Variants in L3MBTL3 observed in about 807,000 individuals in gnomAD.
L3MBTL3 encodes L3MBTL histone methyl-lysine binding protein 3.
L3MBTL3 carries 27 observed loss-of-function variants against 102.3 expected under a neutral mutation model. The ratio of observed to expected loss-of-function variants is 0.26; its 90% CI spans 0.19 to 0.36. The LOEUF (loss-of-function observed/expected upper bound fraction) is 0.36. L3MBTL3 is among the 10% of genes least tolerant of loss of function. The pLI, the probability that L3MBTL3 is intolerant of heterozygous loss-of-function variation, is 1.00. For missense variants in L3MBTL3, 798 were observed against 955.3 expected (o/e 0.84, Z 2.17); for synonymous variants, 340 against 320.9 (o/e 1.06, Z -0.64).
At chr6:130,029,035 T>C (rs1369419973) in intron 2 of L3MBTL3, among the ~76,000 whole-genome samples, 1 of 152,234 alleles carries the variant, frequency 6.6e-6, no homozygotes, top group African/African-American at 2.4e-5. Flanking sequence ...CTTTTATTGA[T>C]TCATTTGGTA....
At chr6:130,106,185 TTA>T (rs1195030196) in intron 19 of L3MBTL3, among the ~76,000 whole-genome samples, 4 of 152,234 alleles carry the variant, frequency 2.6e-5, no homozygotes, top group Admixed American at 6.5e-5. Flanking sequence ...TAAAACCTAA[TTA>T]TTGATTACCT....
chr6:130,083,596 A>G, intron 14 of L3MBTL3, 24 bp from the exon 15 acceptor site: 1 of 1,159,832 alleles, frequency 8.6e-7, no homozygotes, highest in African/African-American at 1.6e-5. Context: ...TAAACCTCAT[A>G]GGATTTACAT....
chr6:130,114,211 C>T (rs768462167), intron 19 of L3MBTL3, among the ~76,000 whole-genome samples: 1 of 152,148 alleles, frequency 6.6e-6, no homozygotes, highest in African/African-American at 2.4e-5. Context: ...TTAAAACACT[C>T]ACAGTTCTGA....
At chr6:130,093,226 A>T (rs937234692) in intron 17 of L3MBTL3, among the ~76,000 whole-genome samples, 2 of 152,240 alleles carry the variant, frequency 1.3e-5, no homozygotes, top group African/African-American at 4.8e-5. Flanking sequence ...ATTGGGAGAA[A>T]CTGGGCAAAG....
rs1187664095 is a variant in L3MBTL3, at chr6:130,052,657, TGACA to T, written c.450-195_450-192del. On this transcript the variant is annotated intron_variant, in intron 6 of 22. Coordinates refer to ENST00000361794, the MANE Select transcript of L3MBTL3 (RefSeq NM_032438.4). ...ATAAGGTAATTTTCATTTTCTGCCC[TGACA>T]GACAGATGTCATATGTAATAGTTGT... Among the ~76,000 whole-genome samples the T allele has an allele frequency of 1.8e-4, 28 of 152,374 alleles. No homozygotes were observed. The South Asian group carries it at 5.6e-3, about 30-fold the overall frequency.
chr6:130,024,994 G>A (rs1324353718), intron 2 of L3MBTL3, among the ~76,000 whole-genome samples: 2 of 152,040 alleles, frequency 1.3e-5, no homozygotes, highest in Non-Finnish European at 2.9e-5. Flanking sequence ...TTAGTGCTTC[G>A]CCTTCAGAAA....
In L3MBTL3 at chr6:130,120,963, C is replaced by G. The variant is rs370842092; in HGVS notation, c.1966+5C>G. 90 of 1,596,974 alleles carry G rather than the reference C, an allele frequency of 5.6e-5. No individual in the cohort carries two copies. Among genetic ancestry groups the G allele is most frequent in the Non-Finnish European group, 7.5e-5 (87 of 1,166,138 alleles). On this transcript the variant is annotated splice_donor_5th_base_variant and intron_variant, in intron 20 of 22. Transcript: ENST00000361794. Reference sequence around the variant, plus strand: ...GAACATCACATGAAGCCAGAGGTAGCCATAATAATTCTCATATTACTAATG... The same window carrying G: ...GAACATCACATGAAGCCAGAGGTAGGCATAATAATTCTCATATTACTAATG...
At chr6:130,045,044 A>G (rs1010254973) in intron 3 of L3MBTL3, among the ~76,000 whole-genome samples, 8 of 152,156 alleles carry the variant, frequency 5.3e-5, no homozygotes, top group African/African-American at 1.9e-4. Flanking sequence ...AGGTTTTTGT[A>G]TGCCTCAATT....
intron 2 of L3MBTL3, among the ~76,000 whole-genome samples, chr6:130,024,815 A>G (rs1267071780): frequency 1.3e-5 from 2 of 152,104 alleles, no homozygotes; most frequent in East Asian, 3.8e-4. Context: ...AGACATAATG[A>G]GCTCTTCTAA....
At chr6:130,064,601 T>C (rs1782124053) in intron 10 of L3MBTL3, among the ~76,000 whole-genome samples, 3 of 152,106 alleles carry the variant, frequency 2.0e-5, no homozygotes, top group Admixed American at 6.5e-5. Flanking sequence ...GGAGAGTTGC[T>C]TCAGCCATAT....
At chr6:130,067,849 A>C (rs1375220790) in intron 11 of L3MBTL3, among the ~76,000 whole-genome samples, 2 of 152,216 alleles carry the variant, frequency 1.3e-5, no homozygotes, top group Non-Finnish European at 2.9e-5. Flanking sequence ...CAGCATCCTT[A>C]CTTCATAAAC....
intron 2 of L3MBTL3, among the ~76,000 whole-genome samples, chr6:130,029,924 A>G (rs561381774): frequency 1.4e-4 from 22 of 152,236 alleles, no homozygotes; most frequent in African/African-American, 5.3e-4. Context: ...CCTGGGTTCA[A>G]GCGATTCTCG....
In L3MBTL3 at chr6:130,081,089, C is replaced by T. The variant is rs147379382; in HGVS notation, c.1321+2455C>T. Among the ~76,000 whole-genome samples the T allele has an allele frequency of 1.1e-3, 175 of 152,360 alleles. 3 individuals carry two copies. In the East Asian group the frequency reaches 0.025, roughly 22 times the overall value. ...ACCACGTTTCCGTTCTTTCTAAACA[C>T]GCAGCCTCTCTTTATTGTTCTTTTC... On this transcript the variant is annotated intron_variant, in intron 14 of 22. Coordinates refer to ENST00000361794, the MANE Select transcript of L3MBTL3 (RefSeq NM_032438.4).
At chr6:130,094,670 AGAAGAGGGGAGAC>A (rs908749872) in intron 18 of L3MBTL3, among the ~76,000 whole-genome samples, 6 of 152,146 alleles carry the variant, frequency 3.9e-5, no homozygotes, top group African/African-American at 1.4e-4. Context: ...ATTAATAATG[AGAAGAGGGGAGAC>A]TCCGTTGATA....
Position 130,079,229 on chromosome 6 carries a change from G to A in L3MBTL3, c.1321+595G>A, listed in dbSNP as rs148164750. 7.2e-5 allele frequency among the ~76,000 whole-genome samples: 11 copies of A among 152,166 alleles called. No homozygotes were observed. The East Asian group carries it at 2.1e-3, about 29-fold the overall frequency. On this transcript the variant is annotated intron_variant, in intron 14 of 22. Coordinates refer to ENST00000361794, the MANE Select transcript of L3MBTL3 (RefSeq NM_032438.4). ...TTTTTACTTAGTTTAGAACTCACAC[G>A]CTCACTTTTCCTTTTTCTGTCGTGA...
At chr6:130,092,435 A>T (rs1784115334) in intron 16 of L3MBTL3, among the ~76,000 whole-genome samples, 1 of 151,856 alleles carries the variant, frequency 6.6e-6, no homozygotes, top group Non-Finnish European at 1.5e-5. Flanking sequence ...TCATATGAAG[A>T]TGTTATAACA....
chr6:130,019,821 G>A lies in L3MBTL3; in HGVS notation c.-95+1157G>A, dbSNP rs571638884. Among the ~76,000 whole-genome samples, 34 of 148,938 alleles carry A rather than the reference G, an allele frequency of 2.3e-4. No homozygotes were observed. In the South Asian group the frequency reaches 7.1e-3, roughly 31 times the overall value. On this transcript the variant is annotated intron_variant, in intron 1 of 22. Transcript: ENST00000361794. Reference sequence around the variant, plus strand: ...CTGCCCGAGGCAGGAAAGTGCTTTGGGAAGCGAGGCGGCGCGGGCCCGCGG... The same window carrying A: ...CTGCCCGAGGCAGGAAAGTGCTTTGAGAAGCGAGGCGGCGCGGGCCCGCGG...
intron 11 of L3MBTL3, 51 bp downstream of exon 11, chr6:130,066,539 T>G: frequency 6.7e-7 from 1 of 1,482,390 alleles, no homozygotes; most frequent in South Asian, 1.2e-5. Context: ...ACTCATTTTC[T>G]TACATGCTAC....
intron 14 of L3MBTL3, among the ~76,000 whole-genome samples, chr6:130,082,260 G>A (rs1220087612): frequency 6.6e-6 from 1 of 152,160 alleles, no homozygotes; most frequent in Non-Finnish European, 1.5e-5. Context: ...TTGTCCCAAT[G>A]TCATTTGCTA....
Sources: allele counts gnomAD v4.1 joint callset (sites outside exome capture counted in the v4.1 genomes callset), GRCh38; gene constraint gnomAD v4.1.1; transcripts MANE v1.5; gene names NCBI Gene and HGNC (gene_info 2026-07-23, HGNC 2026-07-21).